Variants in MYOM1 observed in about 807,000 individuals in gnomAD.
MYOM1 encodes myomesin-1.
A neutral mutation model predicts 205.3 loss-of-function variants in MYOM1; 164 were observed. That is an observed-to-expected ratio of 0.80 (90% confidence interval 0.70 to 0.91). MYOM1 has a LOEUF of 0.91. Among genes scored for constraint, MYOM1 ranks in the 40% least tolerant of loss-of-function variants. The pLI, the probability that MYOM1 is intolerant of heterozygous loss-of-function variation, is 0.00. For missense variants in MYOM1, 2,011 were observed against 2,127.3 expected (o/e 0.95, Z 1.08); for synonymous variants, 772 against 789.4 (o/e 0.98, Z 0.37).
Position 3,075,570 on chromosome 18 carries a change from G to T in MYOM1, c.4686-94C>A, listed in dbSNP as rs191416062. 6.2e-5 allele frequency: 91 copies of T among 1,465,924 alleles called. 1 individual carries two copies. Among genetic ancestry groups the T allele is most frequent in the Middle Eastern group, 1.7e-4 (1 of 5,798 alleles). The allele number at this position is 1,465,924 out of a possible 1,614,324, so 90.8% of individuals were successfully genotyped here. ...TTGACGACATTTTCCTTGCCTCAGA[G>T]ACATTTTGCTGTTCAATATAACAAT... On this transcript the variant is annotated intron_variant, in intron 35 of 37. Transcript: ENST00000356443.
chr18:3,129,448 G>A lies in MYOM1; in HGVS notation c.2578C>T (p.Arg860Cys), dbSNP rs1567922078. Reference sequence around the variant, plus strand: ...GTTGGCGGGGAGGCTTCATGCACGCGCCCCCTGGAGGCGGTTAGTCCACCA... The same window carrying A: ...GTTGGCGGGGAGGCTTCATGCACGCACCCCCTGGAGGCGGTTAGTCCACCA... ...EPGGLTASRG[R>C]VHEASPPTFQ... The change falls in exon 18 of 38, where the codon CGC becomes TGC. Residue 860 changes from arginine (R) to cysteine (C), a missense_variant. Transcript: ENST00000356443. The A allele has an allele frequency of 6.2e-7, 1 of 1,613,904 alleles. No individual in the cohort carries two copies. The highest frequency in any genetic ancestry group is 2.2e-5 in the East Asian group (1 of 44,872).
At chr18:3,074,348 G>C (rs2143637461) in intron 36 of MYOM1, among the ~76,000 whole-genome samples, 1 of 152,270 alleles carries the variant, frequency 6.6e-6, no homozygotes, top group South Asian at 2.1e-4. Context: ...AAAGTTCAAA[G>C]TTGCACCCAG....
chr18:3,133,744 T>C (rs2079910835), intron 16 of MYOM1, among the ~76,000 whole-genome samples: 1 of 152,224 alleles, frequency 6.6e-6, no homozygotes, highest in African/African-American at 2.4e-5. Flanking sequence ...CTTACAATAG[T>C]TGGCATTATG....
At chr18:3,233,568 C>T in the MYOM1 span, among the ~76,000 whole-genome samples, 2 of 152,202 alleles carry the variant, frequency 1.3e-5, no homozygotes, top group African/African-American at 4.8e-5. Context: ...CTCTCTGGCC[C>T]TTCAGGGATT....
chr18:3,164,197 T>G, intron 10 of MYOM1, 81 bp downstream of exon 10: 1 of 1,415,166 alleles, frequency 7.1e-7, no homozygotes, highest in Non-Finnish European at 9.7e-7. Context: ...GAAACATGTT[T>G]GAACTGTTTT....
At chr18:3,230,059 G>A in the MYOM1 span, among the ~76,000 whole-genome samples, 1 of 151,104 alleles carries the variant, frequency 6.6e-6, no homozygotes, top group African/African-American at 2.4e-5. Flanking sequence ...TTGTGAGGCT[G>A]AGCATGTCCT....
At chr18:3,178,084 C>T (rs578023773) in intron 5 of MYOM1, among the ~76,000 whole-genome samples, 1 of 152,258 alleles carries the variant, frequency 6.6e-6, no homozygotes, top group African/African-American at 2.4e-5. Flanking sequence ...CCAGGCTTTT[C>T]TACTTAAACC....
chr18:3,154,365 T>A (rs909467440), intron 11 of MYOM1, among the ~76,000 whole-genome samples: 2 of 152,028 alleles, frequency 1.3e-5, no homozygotes, highest in African/African-American at 4.8e-5. Flanking sequence ...CAGCTCATGT[T>A]ACTAATTTGG....
In MYOM1 at chr18:3,112,423, C is replaced by T. The variant is rs777783233; in HGVS notation, c.3304-11G>A. ...CTTGAGGCCTCGAACCTGGTAGAAG[C>T]AGGTGTAGAAGCAATGGGTGTTTGA... On this transcript the variant is annotated splice_polypyrimidine_tract_variant and intron_variant, in intron 21 of 37. Coordinates refer to ENST00000356443, the MANE Select transcript of MYOM1 (RefSeq NM_003803.4). 10 of 1,588,584 alleles carry T rather than the reference C, an allele frequency of 6.3e-6. No individual in the cohort carries two copies. Among genetic ancestry groups the T allele is most frequent in the African/African-American group, 1.3e-5 (1 of 74,450 alleles).
intron 25 of MYOM1, among the ~76,000 whole-genome samples, chr18:3,097,273 T>C (rs570704654): frequency 4.6e-5 from 7 of 152,324 alleles, no homozygotes; most frequent in African/African-American, 7.2e-5. Context: ...TCTGAAGATA[T>C]TCACCTTGTG....
At chr18:3,210,582 G>T (rs560027647) in intron 2 of MYOM1, among the ~76,000 whole-genome samples, 61 of 152,240 alleles carry the variant, frequency 4.0e-4, no homozygotes, top group Admixed American at 3.6e-3. Flanking sequence ...CACTCCTTGG[G>T]TTTTCTTTGT....
At chr18:3,190,735 G>C (rs778796849) in intron 3 of MYOM1, among the ~76,000 whole-genome samples, 1 of 152,156 alleles carries the variant, frequency 6.6e-6, no homozygotes, top group African/African-American at 2.4e-5. Flanking sequence ...AGGAGAATTT[G>C]CTTGGAATTC....
In MYOM1 at chr18:3,084,032, GGA is replaced by G; in HGVS notation, c.4340-7_4340-6del. ...CCATCATCAGTTCCTTAAAGGCTGT[GGA>G]GAGAGATTCAGAGCCAAAACTTTAG... On this transcript the variant is annotated splice_polypyrimidine_tract_variant and splice_region_variant and intron_variant, in intron 31 of 37. Coordinates refer to ENST00000356443, the MANE Select transcript of MYOM1 (RefSeq NM_003803.4). The G allele has an allele frequency of 1.3e-6, 2 of 1,577,568 alleles. No homozygotes were observed. Among genetic ancestry groups the G allele is most frequent in the South Asian group, 1.2e-5 (1 of 86,174 alleles).
intron 21 of MYOM1, 75 bp from the exon 22 acceptor site, chr18:3,112,487 GCTCTTC>G: frequency 8.8e-7 from 1 of 1,133,056 alleles, no homozygotes; most frequent in Non-Finnish European, 1.2e-6. Flanking sequence ...AACAGACGGG[GCTCTTC>G]CTCTGTAGTA....
intron 2 of MYOM1, among the ~76,000 whole-genome samples, chr18:3,207,944 C>T (rs1472347591): frequency 6.6e-6 from 1 of 152,212 alleles, no homozygotes; most frequent in Non-Finnish European, 1.5e-5. Flanking sequence ...TCAAGCACAG[C>T]AGGCAAAGAA....
At chr18:3,188,586 G>A (rs1455616109) in intron 4 of MYOM1, among the ~76,000 whole-genome samples, 162 bp downstream of exon 4, 2 of 151,670 alleles carry the variant, frequency 1.3e-5, no homozygotes, top group Middle Eastern at 3.4e-3. Flanking sequence ...CTGAGACTGC[G>A]CCACTGCACT....
At chr18:3,084,081 G>A in intron 31 of MYOM1, 54 bp from the exon 32 acceptor site, 1 of 1,534,456 alleles carries the variant, frequency 6.5e-7, no homozygotes, top group Admixed American at 2.0e-5. Context: ...TCAATGTAAG[G>A]TTAAATCTCA....
chr18:3,144,002 C>T (rs2080088173), intron 13 of MYOM1, among the ~76,000 whole-genome samples: 2 of 149,870 alleles, frequency 1.3e-5, no homozygotes, highest in South Asian at 4.3e-4. Context: ...GTCAGGAGAT[C>T]AAGACCATCC....
the MYOM1 span, among the ~76,000 whole-genome samples, chr18:3,241,486 G>T: frequency 4.6e-5 from 7 of 152,304 alleles, 1 homozygote; most frequent in South Asian, 1.2e-3. Flanking sequence ...CAAAAATTGG[G>T]GTTTGGGAAA....
Sources: allele counts gnomAD v4.1 joint callset (sites outside exome capture counted in the v4.1 genomes callset), GRCh38; gene constraint gnomAD v4.1.1; transcripts MANE v1.5; gene names NCBI Gene and HGNC (gene_info 2026-07-23, HGNC 2026-07-21).